The following SLC7A2 variants were observed in gnomAD, a reference collection of about 807,000 sequenced individuals.
The protein encoded by SLC7A2 is cationic amino acid transporter 2.
In SLC7A2, 48 loss-of-function variants were observed where a neutral mutation model predicts 58.9. The ratio of observed to expected loss-of-function variants is 0.82; its 90% CI spans 0.65 to 1.04. SLC7A2 has a LOEUF of 1.04. SLC7A2 is among the 50% of genes least tolerant of loss of function. The pLI, the probability that SLC7A2 is intolerant of heterozygous loss-of-function variation, is 0.00. For missense variants in SLC7A2, 1,029 were observed against 818.8 expected (o/e 1.26, Z -3.13); for synonymous variants, 363 against 314.5 (o/e 1.15, Z -1.63).
At chr8:17,505,995 T>A (rs1413277488) in intron 2 of SLC7A2, among the ~76,000 whole-genome samples, 1 of 152,258 alleles carries the variant, frequency 6.6e-6, no homozygotes, top group African/African-American at 2.4e-5. Flanking sequence ...ATTTTAATGC[T>A]GATTTAGCTA....
intron 8 of SLC7A2, among the ~76,000 whole-genome samples, chr8:17,556,573 A>G (rs891610409): frequency 2.0e-5 from 3 of 151,846 alleles, no homozygotes; most frequent in South Asian, 2.1e-4. Context: ...ATTTTTAAGC[A>G]TACCAAAATT....
At chr8:17,503,626 C>G (rs1034235533) in intron 2 of SLC7A2, among the ~76,000 whole-genome samples, 1 of 152,018 alleles carries the variant, frequency 6.6e-6, no homozygotes, top group Non-Finnish European at 1.5e-5. Context: ...GCTCATAGTT[C>G]GCAGAATATT....
At chr8:17,561,821 CTT>C in intron 10 of SLC7A2, 121 bp from the exon 11 acceptor site, 1 of 869,060 alleles carries the variant, frequency 1.2e-6, no homozygotes, top group Non-Finnish European at 1.8e-6. Flanking sequence ...GGCGAAGACT[CTT>C]TGTATTTAGC....
In SLC7A2 at chr8:17,564,975, C is replaced by T. The variant is rs1469004685; in HGVS notation, c.1806C>T (p.Gly602=). The T allele has an allele frequency of 3.1e-6, 5 of 1,609,008 alleles. No homozygotes were observed. The South Asian group carries it at 5.6e-5, about 18-fold the overall frequency. The part of the protein sequence containing the change: ...AIGFLIYFSY[G]IRHSLEGHLR... ...GCTTCCTGATTTACTTTTCTTATGGCATTAGACACAGCCTGGAGGGTCATC... is the reference window on the plus strand; with the variant it reads ...GCTTCCTGATTTACTTTTCTTATGGTATTAGACACAGCCTGGAGGGTCATC... The change falls in exon 13 of 13, where the codon GGC becomes GGT. Residue 602 remains glycine, a synonymous_variant. Coordinates refer to ENST00000494857, the MANE Select transcript of SLC7A2 (RefSeq NM_001370338.1).
At chr8:17,550,551 A>C (rs1157527709) in intron 6 of SLC7A2, 117 bp downstream of exon 6, 2 of 870,304 alleles carry the variant, frequency 2.3e-6, no homozygotes, top group East Asian at 2.7e-5. Context: ...GAAGGGCACT[A>C]GTTCCAGGCC....
At chr8:17,563,500 G>A in intron 11 of SLC7A2, 103 bp from the exon 12 acceptor site, 1 of 707,326 alleles carries the variant, frequency 1.4e-6, no homozygotes, top group East Asian at 2.5e-5. Flanking sequence ...GATTGACGTG[G>A]TGTGAAAGTA....
At chr8:17,563,423 G>A (rs979412788) in intron 11 of SLC7A2, among the ~76,000 whole-genome samples, 180 bp from the exon 12 acceptor site, 13 of 152,136 alleles carry the variant, frequency 8.5e-5, no homozygotes, top group African/African-American at 3.1e-4. Context: ...CTGGTGCCTT[G>A]AGCTTTAGTA....
At chr8:17,498,600 TTATTGTGA>T (rs1450370232) in intron 1 of SLC7A2, 1 of 152,150 alleles carries the variant, frequency 6.6e-6, no homozygotes, top group African/African-American at 2.4e-5. Context: ...GGAGGCCACT[TTATTGTGA>T]TTTTTCAAGT....
intron 2 of SLC7A2, among the ~76,000 whole-genome samples, chr8:17,522,374 C>G (rs903730085): frequency 5.3e-5 from 8 of 152,078 alleles, no homozygotes; most frequent in Non-Finnish European, 1.0e-4. Context: ...AGCTACAATT[C>G]AAGATGAGAT....
intron 8 of SLC7A2, 144 bp from the exon 9 acceptor site, chr8:17,558,151 A>C: frequency 1.7e-6 from 1 of 589,392 alleles, no homozygotes. Context: ...ATTAACTGTG[A>C]GAGATATATT....
At chr8:17,506,640 T>C (rs975901665) in intron 2 of SLC7A2, among the ~76,000 whole-genome samples, 3 of 152,216 alleles carry the variant, frequency 2.0e-5, no homozygotes, top group Non-Finnish European at 4.4e-5. Context: ...GTGTAACTCA[T>C]CTGAGGTTAG....
intron 9 of SLC7A2, among the ~76,000 whole-genome samples, 171 bp from the exon 10 acceptor site, chr8:17,560,157 C>T (rs553696671): frequency 9.2e-5 from 14 of 152,142 alleles, no homozygotes; most frequent in African/African-American, 3.1e-4. Flanking sequence ...GTTGTTTTAT[C>T]GGAAAGGTTT....
chr8:17,564,743 C>A (rs1803183074), intron 12 of SLC7A2, among the ~76,000 whole-genome samples: 1 of 152,146 alleles, frequency 6.6e-6, no homozygotes, highest in African/African-American at 2.4e-5. Context: ...ACTGTAAATA[C>A]TAGAGACTGC....
Position 17,564,411 on chromosome 8 carries a change from C to T in SLC7A2, c.1781-539C>T, listed in dbSNP as rs1803166383. Among the ~76,000 whole-genome samples, 3 of 152,246 alleles carry T rather than the reference C, an allele frequency of 2.0e-5. No individual in the cohort carries two copies. In the South Asian group the frequency reaches 6.2e-4, roughly 32 times the overall value. ...CTTCACAATAGAGAGGCACATTCTA[C>T]CAGGAAAATATTGATCAAGGACACC... On this transcript the variant is annotated intron_variant, in intron 12 of 12. Coordinates refer to ENST00000494857, the MANE Select transcript of SLC7A2 (RefSeq NM_001370338.1).
intron 2 of SLC7A2, among the ~76,000 whole-genome samples, chr8:17,524,419 TGTACAC>T (rs771881396): frequency 0.025 from 3,475 of 139,336 alleles, 67 homozygotes; most frequent in South Asian, 0.035. Context: ...TGTGTGTGTG[TGTACAC>T]ACACACACAC....
intron 2 of SLC7A2, among the ~76,000 whole-genome samples, chr8:17,540,044 C>T (rs17124794): frequency 0.027 from 4,061 of 152,152 alleles, 192 homozygotes; most frequent in African/African-American, 0.093. Flanking sequence ...CTTGTTGCCA[C>T]ACTCCTTTCA....
chr8:17,494,809 G>T (rs1799918526), upstream of SLC7A2, among the ~76,000 whole-genome samples: 1 of 152,218 alleles, frequency 6.6e-6, no homozygotes, highest in African/African-American at 2.4e-5. Context: ...GAACTAGTGT[G>T]TAAAGATATT....
upstream of SLC7A2, among the ~76,000 whole-genome samples, chr8:17,495,882 G>A (rs1799945001): frequency 6.6e-6 from 1 of 152,202 alleles, no homozygotes; most frequent in African/African-American, 2.4e-5. Flanking sequence ...ATCCATGGAT[G>A]GCTTCCTGAG....
At chr8:17,498,070 G>C (rs953805357) in intron 1 of SLC7A2, among the ~76,000 whole-genome samples, 6 of 152,180 alleles carry the variant, frequency 3.9e-5, no homozygotes, top group Admixed American at 3.9e-4. Flanking sequence ...GGCTTTTGAA[G>C]TGGATATAGT....
Sources: allele counts gnomAD v4.1 joint callset (sites outside exome capture counted in the v4.1 genomes callset), GRCh38; gene constraint gnomAD v4.1.1; transcripts MANE v1.5; gene names NCBI Gene and HGNC (gene_info 2026-07-23, HGNC 2026-07-21).